The following PPP4R4 variants were observed in gnomAD, a reference collection of about 807,000 sequenced individuals.
PPP4R4 encodes protein phosphatase 4 regulatory subunit 4, also known as serine/threonine-protein phosphatase 4 regulatory subunit 4.
A neutral mutation model predicts 121.8 loss-of-function variants in PPP4R4; 70 were observed. That is an observed-to-expected ratio of 0.57 (90% CI 0.47 to 0.70). PPP4R4 has a LOEUF of 0.70. Among genes scored for constraint, PPP4R4 ranks in the 30% least tolerant of loss-of-function variants. PPP4R4 has a pLI of 0.00. For synonymous variants in PPP4R4, 348 were observed against 355.7 expected (o/e 0.98, Z 0.24); for missense variants, 875 against 1,033.6 (o/e 0.85, Z 2.10).
intron 7 of PPP4R4, among the ~76,000 whole-genome samples, chr14:94,235,304 G>A (rs534760502): frequency 6.6e-6 from 1 of 151,666 alleles, no homozygotes; most frequent in Non-Finnish European, 1.5e-5. Flanking sequence ...AGATGTTGAG[G>A]GCCGACTACA....
intron 2 of PPP4R4, among the ~76,000 whole-genome samples, chr14:94,198,419 A>G (rs1184269937): frequency 6.6e-6 from 1 of 152,158 alleles, no homozygotes; most frequent in Non-Finnish European, 1.5e-5. Flanking sequence ...TATATTCTAG[A>G]TACAAGTTGT....
At chr14:94,258,952 G>A in intron 18 of PPP4R4, 128 bp downstream of exon 18, 1 of 891,342 alleles carries the variant, frequency 1.1e-6, no homozygotes, top group Non-Finnish European at 1.7e-6. Context: ...TGGCTGGGGA[G>A]GCCTCACAAT....
At chr14:94,230,349 C>T (rs1053617098) in intron 3 of PPP4R4, among the ~76,000 whole-genome samples, 6 of 152,072 alleles carry the variant, frequency 3.9e-5, no homozygotes, top group Admixed American at 2.6e-4. Flanking sequence ...TTCAATAAAG[C>T]GGTGGCAAGT....
At chr14:94,219,080 C>CTT (rs71301922) in intron 3 of PPP4R4, among the ~76,000 whole-genome samples, 1,257 of 106,962 alleles carry the variant, frequency 0.012, 22 homozygotes, top group Non-Finnish European at 0.017. Context: ...CTTTTCTTTT[C>CTT]TTTTTTTTTT....
chr14:94,210,784 A>G (rs537323180), intron 3 of PPP4R4, among the ~76,000 whole-genome samples: 1 of 152,328 alleles, frequency 6.6e-6, no homozygotes, highest in East Asian at 1.9e-4. Flanking sequence ...TTATGGGGGT[A>G]ACTCCAGTAA....
At chr14:94,234,752 A>G in intron 7 of PPP4R4, 83 bp downstream of exon 7, 1 of 937,402 alleles carries the variant, frequency 1.1e-6, no homozygotes, top group Non-Finnish European at 1.7e-6. Context: ...AAATGATCAT[A>G]ACAAGTACCT....
intron 19 of PPP4R4, among the ~76,000 whole-genome samples, 182 bp downstream of exon 19, chr14:94,259,551 G>A (rs578030383): frequency 3.9e-4 from 60 of 152,018 alleles, no homozygotes; most frequent in African/African-American, 1.4e-3. Context: ...ATATTTGAGA[G>A]CCTTTTAAAA....
intron 3 of PPP4R4, among the ~76,000 whole-genome samples, chr14:94,210,596 A>G (rs546823482): frequency 4.9e-4 from 75 of 152,284 alleles, no homozygotes; most frequent in Non-Finnish European, 8.2e-4. Flanking sequence ...ATTTAGGACC[A>G]TCGTCTTGCT....
chr14:94,256,597 T>TA lies in PPP4R4; in HGVS notation c.2008dup (p.Arg670LysfsTer22). Reference sequence around the variant, plus strand: ...AAAGATAAAGATGTTCTGGCTATTGTAAAAAGAGTAAGTATCACTCTTGCC... The same window carrying TA: ...AAAGATAAAGATGTTCTGGCTATTGTAAAAAAGAGTAAGTATCACTCTTGCC... On this transcript the variant is annotated frameshift_variant, in exon 17 of 25. Transcript: ENST00000304338. LOFTEE classifies it high-confidence loss of function. 1.2e-6 allele frequency: 2 copies of TA among 1,602,754 alleles called. No individual in the cohort carries two copies. The highest frequency in any genetic ancestry group is 1.7e-6 in the Non-Finnish European group (2 of 1,173,184).
chr14:94,266,157 A>G (rs1378217284), intron 22 of PPP4R4, among the ~76,000 whole-genome samples: 1 of 152,148 alleles, frequency 6.6e-6, no homozygotes, highest in African/African-American at 2.4e-5. Flanking sequence ...TTATTTCATG[A>G]GGGAGATAGT....
At chr14:94,226,139 A>G (rs918227179) in intron 3 of PPP4R4, among the ~76,000 whole-genome samples, 1 of 152,210 alleles carries the variant, frequency 6.6e-6, no homozygotes, top group Non-Finnish European at 1.5e-5. Flanking sequence ...ATTACGTTTA[A>G]AAATGACTTA....
At chr14:94,272,346 T>C (rs1243995694) in intron 23 of PPP4R4, among the ~76,000 whole-genome samples, 1 of 152,084 alleles carries the variant, frequency 6.6e-6, no homozygotes, top group African/African-American at 2.4e-5. Context: ...AGCCCAGAAA[T>C]AGACCCACGT....
intron 9 of PPP4R4, among the ~76,000 whole-genome samples, chr14:94,241,391 CAG>C (rs1183622732): frequency 6.6e-6 from 1 of 151,992 alleles, no homozygotes; most frequent in Non-Finnish European, 1.5e-5. Context: ...TCCTTCCCTG[CAG>C]AGACACATAC....
chr14:94,274,291 A>T (rs190379930), intron 23 of PPP4R4, among the ~76,000 whole-genome samples: 265 of 152,244 alleles, frequency 1.7e-3, no homozygotes, highest in African/African-American at 6.1e-3. Flanking sequence ...AACACACTGG[A>T]CTTAATCAAA....
chr14:94,263,680 TA>T lies in PPP4R4; in HGVS notation c.2128-1197del, dbSNP rs201329706. On this transcript the variant is annotated intron_variant, in intron 19 of 24. Transcript: ENST00000304338. The stretch of plus-strand genomic sequence containing the variant: ...CCGCAGATAATCCTGATACTGGAAT[TA>T]GTAGACAAGGACTTCAAGATAACTG... 7.8e-3 allele frequency among the ~76,000 whole-genome samples: 1,181 copies of T among 152,294 alleles called. 42 individuals are homozygous for T. The East Asian group carries it at 0.08, about 10-fold the overall frequency.
intron 3 of PPP4R4, among the ~76,000 whole-genome samples, chr14:94,217,217 T>C (rs1419046627): frequency 6.6e-6 from 1 of 152,094 alleles, no homozygotes; most frequent in Non-Finnish European, 1.5e-5. Context: ...TGCTGAAAAC[T>C]GAGGGTGGAG....
At chr14:94,270,122 A>T (rs1894250962) in intron 23 of PPP4R4, among the ~76,000 whole-genome samples, 2 of 152,176 alleles carry the variant, frequency 1.3e-5, no homozygotes, top group Admixed American at 1.3e-4. Context: ...CAGTTTATTT[A>T]AAAAAATAAC....
intron 24 of PPP4R4, among the ~76,000 whole-genome samples, chr14:94,277,187 G>C (rs1894691202): frequency 6.6e-6 from 1 of 152,146 alleles, no homozygotes; most frequent in Non-Finnish European, 1.5e-5. Flanking sequence ...TGTAATCCCA[G>C]CTACTCAAGA....
At chr14:94,244,903 T>C (rs553239864) in intron 12 of PPP4R4, among the ~76,000 whole-genome samples, 191 bp downstream of exon 12, 102 of 152,286 alleles carry the variant, frequency 6.7e-4, no homozygotes, top group African/African-American at 2.4e-3. Context: ...GGTTTTAAAA[T>C]ATATTCAGTT....
Sources: allele counts gnomAD v4.1 joint callset (sites outside exome capture counted in the v4.1 genomes callset), GRCh38; gene constraint gnomAD v4.1.1; transcripts MANE v1.5; gene names NCBI Gene and HGNC (gene_info 2026-07-23, HGNC 2026-07-21).